The following TRERF1 variants were observed in gnomAD, a reference collection of about 807,000 sequenced individuals.
The protein encoded by TRERF1 is transcriptional-regulating factor 1.
Under a neutral mutation model 122.9 loss-of-function variants are expected in TRERF1, and 27 were observed. The ratio of observed to expected loss-of-function variants is 0.22; its 90% CI spans 0.16 to 0.30. TRERF1 has a LOEUF of 0.30. Ranked by LOEUF, TRERF1 falls within the 10% of genes least tolerant of loss-of-function variation. The probability of loss-of-function intolerance (pLI) is 1.00; values close to 1 mark genes in which losing one functional copy is unlikely to be tolerated. For missense variants in TRERF1, 1,248 were observed against 1,560.3 expected (o/e 0.80, Z 3.37); for synonymous variants, 636 against 641.7 (o/e 0.99, Z 0.13).
intron 4 of TRERF1, among the ~76,000 whole-genome samples, chr6:42,273,844 C>T (rs1332745719): frequency 6.6e-6 from 1 of 152,226 alleles, no homozygotes; most frequent in African/African-American, 2.4e-5. Context: ...CTTGTTGAAA[C>T]TCACCCGACT....
intron 13 of TRERF1, among the ~76,000 whole-genome samples, chr6:42,250,974 TTTTC>T (rs1280938427): frequency 6.6e-6 from 1 of 150,706 alleles, no homozygotes; most frequent in Non-Finnish European, 1.5e-5. Context: ...ATTATAATTT[TTTTC>T]TTTTCTTTTG....
At chr6:42,273,169 T>TA (rs1780555569) in intron 4 of TRERF1, among the ~76,000 whole-genome samples, 1 of 152,018 alleles carries the variant, frequency 6.6e-6, no homozygotes, top group Non-Finnish European at 1.5e-5. Context: ...TATGTTCTCA[T>TA]AAAACCATAT....
chr6:42,255,410 G>A (rs1343376172), intron 12 of TRERF1, among the ~76,000 whole-genome samples: 1 of 152,206 alleles, frequency 6.6e-6, no homozygotes, highest in Non-Finnish European at 1.5e-5. Context: ...AATCAGCCTC[G>A]GTAGCTTTTT....
intron 4 of TRERF1, among the ~76,000 whole-genome samples, chr6:42,285,697 T>C (rs1783078499): frequency 6.6e-6 from 1 of 152,062 alleles, no homozygotes; most frequent in Non-Finnish European, 1.5e-5. Flanking sequence ...CATGAAGGGT[T>C]GTTGAATTTT....
At chr6:42,420,014 A>G (rs1267741995) in intron 2 of TRERF1, among the ~76,000 whole-genome samples, 1 of 152,098 alleles carries the variant, frequency 6.6e-6, no homozygotes, top group African/African-American at 2.4e-5. Context: ...GCATTAGAAG[A>G]TTTGTCTTTT....
chr6:42,451,683 A>T lies in TRERF1; in HGVS notation c.-539+338T>A, dbSNP rs1788566071. Among the ~76,000 whole-genome samples, 3 of 149,814 alleles carry T rather than the reference A, an allele frequency of 2.0e-5. No homozygotes were observed. Among genetic ancestry groups the T allele is most frequent in the Admixed American group, 2.0e-4 (3 of 15,018 alleles). On this transcript the variant is annotated intron_variant, in intron 1 of 17. In the 5' UTR this introduces an upstream ATG that the reference lacks. Coordinates refer to ENST00000372922, the Ensembl canonical transcript of TRERF1. ...CCGGCCAGAAACTTACTAGTGAGCA[A>T]GCGTGCAGGCTCTCCTGATGCTGGA...
At chr6:42,420,621 T>A (rs1236084788) in intron 2 of TRERF1, among the ~76,000 whole-genome samples, 1 of 152,200 alleles carries the variant, frequency 6.6e-6, no homozygotes, top group Non-Finnish European at 1.5e-5. Context: ...ACTTTTAAAA[T>A]CATAAAATAA....
chr6:42,296,483 C>T lies in TRERF1; in HGVS notation c.-259+4155G>A, dbSNP rs559209255. The stretch of plus-strand genomic sequence containing the variant: ...TCCAAGCTCTGTGTTACAAGCTCTA[C>T]AGGCATCATTTCATTAAGTCCTTGA... On this transcript the variant is annotated intron_variant, in intron 4 of 17. Transcript: ENST00000372922. Among the ~76,000 whole-genome samples, 38 of 152,322 alleles carry T rather than the reference C, an allele frequency of 2.5e-4. No homozygotes were observed. In the South Asian group the frequency reaches 6.0e-3, roughly 24 times the overall value.
chr6:42,446,986 G>A (rs559515657), intron 2 of TRERF1, among the ~76,000 whole-genome samples: 146 of 152,308 alleles, frequency 9.6e-4, no homozygotes, highest in Non-Finnish European at 4.7e-4. Context: ...GCCTGAGTGA[G>A]AGAGCAAGAT....
At position 42,269,331 on chromosome 6, in the gene TRERF1, C is replaced by T. The variant is rs915554710; in HGVS notation, c.260G>A (p.Ser87Asn). The change falls in exon 5 of 18, where the codon AGT becomes AAT. Residue 87 changes from serine to asparagine, a missense_variant. Transcript: ENST00000372922. This position sits in a 1 kb window ranked among gnomAD's most constrained non-coding sequence, Gnocchi z 4.9. ...GACATGGTTTCCAGGCCCTGCATGA[C>T]TTCCCCACCCTCCCTGCCTCGAGGT... 4 of 1,614,178 alleles carry T rather than the reference C, an allele frequency of 2.5e-6. No individual in the cohort carries two copies. The highest frequency in any genetic ancestry group is 3.4e-6 in the Non-Finnish European group (4 of 1,180,026).
intron 7 of TRERF1, among the ~76,000 whole-genome samples, chr6:42,264,414 C>A (rs192743249): frequency 1.2e-4 from 18 of 152,370 alleles, no homozygotes; most frequent in African/African-American, 2.6e-4. Flanking sequence ...AATAATATTG[C>A]ATTTACATGT....
intron 3 of TRERF1, among the ~76,000 whole-genome samples, chr6:42,360,796 A>AC (rs1771607007): frequency 6.7e-6 from 1 of 149,390 alleles, no homozygotes; most frequent in African/African-American, 2.5e-5. Context: ...AAAAAAAAAA[A>AC]AAAAAACCTG....
chr6:42,435,713 C>A (rs542820352), intron 2 of TRERF1, among the ~76,000 whole-genome samples: 47 of 152,086 alleles, frequency 3.1e-4, no homozygotes, highest in African/African-American at 1.1e-3. Context: ...CAGTGGCTCA[C>A]ACCTGTAATC....
At chr6:42,418,772 C>T (rs1269089390) in intron 2 of TRERF1, among the ~76,000 whole-genome samples, 1 of 152,090 alleles carries the variant, frequency 6.6e-6, no homozygotes, top group African/African-American at 2.4e-5. Flanking sequence ...TCAAAAGATT[C>T]ATGCTGGGGG....
At chr6:42,398,844 T>A (rs1193124071) in intron 2 of TRERF1, among the ~76,000 whole-genome samples, 2 of 152,194 alleles carry the variant, frequency 1.3e-5, no homozygotes, top group Non-Finnish European at 1.5e-5. Context: ...AGTAAGCCAG[T>A]GAAACTACAA....
chr6:42,283,876 A>T (rs905965286), intron 4 of TRERF1, among the ~76,000 whole-genome samples: 6 of 152,144 alleles, frequency 3.9e-5, no homozygotes, highest in Non-Finnish European at 8.8e-5. Flanking sequence ...TCGACCTCCC[A>T]AAGTGCTGGG....
intron 2 of TRERF1, among the ~76,000 whole-genome samples, chr6:42,396,180 T>C (rs1000261518): frequency 1.3e-5 from 2 of 152,150 alleles, no homozygotes; most frequent in Admixed American, 6.5e-5. Flanking sequence ...AAAGGAGATG[T>C]AGAGGAAACT....
At chr6:42,376,530 CTAAT>C (rs1283528462) in intron 2 of TRERF1, among the ~76,000 whole-genome samples, 1 of 140,508 alleles carries the variant, frequency 7.1e-6, no homozygotes, top group African/African-American at 2.7e-5. Flanking sequence ...GACTTTTCGT[CTAAT>C]TCTTTTTTTT....
At chr6:42,309,152 G>C (rs1787800639) in intron 3 of TRERF1, among the ~76,000 whole-genome samples, 1 of 152,118 alleles carries the variant, frequency 6.6e-6, no homozygotes, top group Admixed American at 6.5e-5. Context: ...CCCAAACACA[G>C]CCTAAAAGGC....
Sources: allele counts gnomAD v4.1 joint callset (sites outside exome capture counted in the v4.1 genomes callset), GRCh38; gene constraint gnomAD v4.1.1; non-coding constraint Gnocchi (gnomAD v3.1); transcripts MANE v1.5; gene names NCBI Gene and HGNC (gene_info 2026-07-23, HGNC 2026-07-21).